MXI1: variants seen among roughly 807,000 people sequenced by gnomAD.
The protein encoded by MXI1 is max-interacting protein 1.
MXI1 carries 18 observed loss-of-function variants against 36.9 expected under a neutral mutation model. That is an observed-to-expected ratio of 0.49 (90% confidence interval 0.34 to 0.72). MXI1 has a LOEUF of 0.72. Ranked by LOEUF, MXI1 falls within the 30% of genes least tolerant of loss-of-function variation. MXI1 has a pLI of 0.01. For missense variants in MXI1, 304 were observed against 379.1 expected, an observed-to-expected ratio of 0.80 and a Z score of 1.64; for synonymous variants, 160 against 146.7, an observed-to-expected ratio of 1.09 and a Z score of -0.65.
At chr10:110,235,566 T>C (rs1855428747) in intron 2 of MXI1, among the ~76,000 whole-genome samples, 1 of 151,548 alleles carries the variant, frequency 6.6e-6, no homozygotes, top group African/African-American at 2.4e-5. Flanking sequence ...CGGGTGCCTG[T>C]AGTCCCAGCT....
At chr10:110,284,296 CTTGT>C (rs1031214703) in intron 5 of MXI1, among the ~76,000 whole-genome samples, 1 of 152,000 alleles carries the variant, frequency 6.6e-6, no homozygotes, top group South Asian at 2.1e-4. Context: ...TTTATAATGA[CTTGT>C]TTGACTGACT....
intron 3 of MXI1, among the ~76,000 whole-genome samples, chr10:110,245,254 T>TG (rs372228000): frequency 8.9e-4 from 135 of 152,298 alleles, no homozygotes; most frequent in African/African-American, 3.2e-3. Context: ...CATTCATTCA[T>TG]TTATTCATGC....
chr10:110,272,091 A>C (rs1303401111), intron 3 of MXI1, among the ~76,000 whole-genome samples: 1 of 152,188 alleles, frequency 6.6e-6, no homozygotes, highest in South Asian at 2.1e-4. Context: ...TAGCAGTTTG[A>C]ACATAGATTC....
chr10:110,214,713 C>A (rs970257340), intron 1 of MXI1, among the ~76,000 whole-genome samples: 1 of 150,612 alleles, frequency 6.6e-6, no homozygotes, highest in African/African-American at 2.4e-5. Flanking sequence ...AGGAGAAGCA[C>A]ATGCTTGCCC....
chr10:110,258,474 G>T (rs921560868), intron 3 of MXI1, among the ~76,000 whole-genome samples: 1 of 151,900 alleles, frequency 6.6e-6, no homozygotes, highest in Non-Finnish European at 1.5e-5. Flanking sequence ...CTTAGGAACC[G>T]GATAAATATG....
At chr10:110,240,948 C>T (rs1362541777) in intron 2 of MXI1, among the ~76,000 whole-genome samples, 3 of 151,778 alleles carry the variant, frequency 2.0e-5, no homozygotes, top group African/African-American at 7.3e-5. Context: ...ATTTTCTTTC[C>T]ACAGTGGTAC....
At position 110,270,220 on chromosome 10, in the gene MXI1, G is replaced by A. The variant is rs941910171; in HGVS notation, c.438-8960G>A. ...GACTTTGAAACTTGGAATACAGAAA[G>A]TTCTTGTGTGACCAAAGAAGAAATA... On this transcript the variant is annotated intron_variant, in intron 3 of 5. Transcript: ENST00000332674. Among the ~76,000 whole-genome samples, 6 of 152,216 alleles carry A rather than the reference G, an allele frequency of 3.9e-5. No homozygotes were observed. The East Asian group carries it at 1.2e-3, about 29-fold the overall frequency.
intron 2 of MXI1, among the ~76,000 whole-genome samples, chr10:110,243,848 C>T (rs973977310): frequency 1.3e-5 from 2 of 152,042 alleles, no homozygotes; most frequent in Non-Finnish European, 2.9e-5. Flanking sequence ...AATGAAGGGA[C>T]TTTACTGAGG....
intron 1 of MXI1, among the ~76,000 whole-genome samples, chr10:110,225,047 G>A (rs1179079848): frequency 6.6e-6 from 1 of 152,184 alleles, no homozygotes; most frequent in African/African-American, 2.4e-5. Context: ...TTTACTGAGT[G>A]CCTAGTATAT....
In MXI1 at chr10:110,207,889, C is replaced by G. The variant is rs991404509; in HGVS notation, c.81C>G (p.Pro27=). 13 of 1,361,456 alleles carry G rather than the reference C, an allele frequency of 9.5e-6. No individual in the cohort carries two copies. Among genetic ancestry groups the G allele is most frequent in the Non-Finnish European group, 1.2e-5 (13 of 1,049,048 alleles). The allele number at this position is 1,361,456 out of a possible 1,614,324, so 84.3% of individuals were successfully genotyped here. A position where few individuals can be genotyped will look rare whatever the true frequency, so the allele number is the denominator to read the frequency against. The change falls in exon 1 of 6, where the codon CCC becomes CCG. Residue 27 remains proline (P), a synonymous_variant. Transcript: ENST00000332674. ...GLAPAAPPAV[P]PAVAAPQPPA... ...CCCCCGCCGCGCCCCCGGCTGTGCC[C>G]CCCGCCGTGGCCGCGCCCCAGCCCC...
At chr10:110,281,623 A>C (rs962404710) in intron 5 of MXI1, among the ~76,000 whole-genome samples, 3 of 152,206 alleles carry the variant, frequency 2.0e-5, no homozygotes, top group African/African-American at 7.2e-5. Context: ...ATAGGTATAG[A>C]TCTGTGTGTT....
intron 1 of MXI1, among the ~76,000 whole-genome samples, chr10:110,215,030 A>ATTTTTTTTT (rs1854598376): frequency 2.0e-5 from 2 of 98,922 alleles, no homozygotes; most frequent in East Asian, 3.8e-4. Flanking sequence ...GCTCCACTTC[A>ATTTTTTTTT]GTTTTTTTTT....
chr10:110,280,027 A>G lies in MXI1; in HGVS notation c.666A>G (p.Arg222=). The change falls in exon 5 of 6, where the codon CGA becomes CGG. Residue 222 remains arginine, a synonymous_variant. Coordinates refer to ENST00000332674, the MANE Select transcript of MXI1 (RefSeq NM_130439.3). Reference sequence around the variant, plus strand: ...TGCAGGGTCCTCAGGAGATGGAACGAATACGAATGGACAGCATTGGATCAA... The same window carrying G: ...TGCAGGGTCCTCAGGAGATGGAACGGATACGAATGGACAGCATTGGATCAA... ...EQLQGPQEME[R]IRMDSIGSTI... is the part of the protein sequence containing the mutation. The G allele has an allele frequency of 1.9e-6, 3 of 1,608,008 alleles. No homozygotes were observed. The highest frequency in any genetic ancestry group is 2.6e-6 in the Non-Finnish European group (3 of 1,176,046).
intron 3 of MXI1, among the ~76,000 whole-genome samples, chr10:110,272,044 T>C (rs1358340023): frequency 2.0e-5 from 3 of 152,216 alleles, no homozygotes; most frequent in Admixed American, 6.5e-5. Flanking sequence ...TCAAAAATGA[T>C]GTTCCAAAGT....
chr10:110,258,027 T>C (rs1251625650), intron 3 of MXI1, among the ~76,000 whole-genome samples: 4 of 152,190 alleles, frequency 2.6e-5, no homozygotes, highest in African/African-American at 9.7e-5. Context: ...AGACTAGATA[T>C]TGAAAGAATT....
rs77276839 is a variant in MXI1 at position 110,221,182 on chromosome 10, C to T, written c.275-7007C>T. ...TTTGGATCCTTTGGGAATGCAACTT[C>T]GTCTTGATATTTAAAGGAATGGGCC... On this transcript the variant is annotated intron_variant, in intron 1 of 5. Coordinates refer to ENST00000332674, the MANE Select transcript of MXI1 (RefSeq NM_130439.3). Among the ~76,000 whole-genome samples, 42 of 152,254 alleles carry T rather than the reference C, an allele frequency of 2.8e-4. No homozygotes were observed. The East Asian group carries it at 7.5e-3, about 27-fold the overall frequency.
At chr10:110,279,147 G>T in intron 3 of MXI1, 33 bp from the exon 4 acceptor site, 1 of 1,465,988 alleles carries the variant, frequency 6.8e-7, no homozygotes. Context: ...GAAATAACCA[G>T]ACTGTGCTGA....
intron 2 of MXI1, among the ~76,000 whole-genome samples, chr10:110,241,038 TA>T (rs892348853): frequency 3.9e-5 from 6 of 151,984 alleles, no homozygotes; most frequent in African/African-American, 1.2e-4. Context: ...AACTACACCC[TA>T]AATAATCACA....
chr10:110,244,134 A>G (rs1855771377), intron 2 of MXI1, among the ~76,000 whole-genome samples: 1 of 152,120 alleles, frequency 6.6e-6, no homozygotes, highest in Admixed American at 6.6e-5. Context: ...TGCTTGTTCA[A>G]TAGAAGGTAT....
Sources: gnomAD v4.1 joint callset for allele counts (sites outside exome capture counted in the v4.1 genomes callset) on GRCh38, gnomAD v4.1.1 for gene constraint, MANE v1.5 for transcripts, NCBI Gene and HGNC (gene_info 2026-07-23, HGNC 2026-07-21) for gene names.